HIPK2: variants seen among roughly 807,000 people sequenced by gnomAD.
HIPK2 encodes the protein homeodomain-interacting protein kinase 2.
In HIPK2, 27 loss-of-function variants were observed where a neutral mutation model predicts 113.7. That is an observed-to-expected ratio of 0.24 (90% CI 0.17 to 0.33). The LOEUF (loss-of-function observed/expected upper bound fraction) is 0.33. HIPK2 is among the 10% of genes least tolerant of loss of function. The pLI, the probability that HIPK2 is intolerant of heterozygous loss-of-function variation, is 1.00. For synonymous variants in HIPK2, 631 were observed against 642.2 expected (o/e 0.98, Z 0.26); for missense variants, 1,257 against 1,588.0 (o/e 0.79, Z 3.54).
chr7:139,599,816 T>A (rs1799355501), intron 11 of HIPK2, among the ~76,000 whole-genome samples: 1 of 152,222 alleles, frequency 6.6e-6, no homozygotes, highest in South Asian at 2.1e-4. Flanking sequence ...AAAGATAATT[T>A]GCTTCACCAA....
At chr7:139,663,602 A>C (rs780109682) in intron 2 of HIPK2, among the ~76,000 whole-genome samples, 1 of 152,254 alleles carries the variant, frequency 6.6e-6, no homozygotes, top group Admixed American at 6.5e-5. Flanking sequence ...CAGGCAGGGC[A>C]GACCTGAAAC....
chr7:139,698,226 G>A lies in HIPK2; in HGVS notation c.1103+17706C>T, dbSNP rs999805664. Among the ~76,000 whole-genome samples the A allele has an allele frequency of 2.6e-5, 4 of 152,186 alleles. 1 individual carries two copies. ...AAAGAGTATCATACGATACGTGTAT[G>A]CCTTCTTTCACTTAGCATGATGTTT... On this transcript the variant is annotated intron_variant, in intron 2 of 14. Transcript: ENST00000406875.
intron 2 of HIPK2, among the ~76,000 whole-genome samples, chr7:139,668,695 C>T (rs1253731418): frequency 1.3e-5 from 2 of 152,034 alleles, no homozygotes; most frequent in South Asian, 2.1e-4. Context: ...GGAATCTATT[C>T]TGTTAGAGTT....
intron 1 of HIPK2, 70 bp from the exon 2 acceptor site, chr7:139,717,085 T>A: frequency 6.6e-6 from 10 of 1,517,790 alleles, no homozygotes; most frequent in Non-Finnish European, 8.9e-6. Context: ...ACAGATCCCC[T>A]TCAGTTCTCA....
chr7:139,724,951 A>G (rs759144869), intron 1 of HIPK2, among the ~76,000 whole-genome samples: 6 of 152,224 alleles, frequency 3.9e-5, no homozygotes, highest in Admixed American at 6.5e-5. Flanking sequence ...GCAGCCATAC[A>G]GAATTCTTTT....
intron 2 of HIPK2, among the ~76,000 whole-genome samples, chr7:139,641,480 A>G (rs1801018638): frequency 6.6e-6 from 1 of 152,196 alleles, no homozygotes; most frequent in Admixed American, 6.5e-5. Context: ...TCTCACATGA[A>G]TGCTGGGTAC....
chr7:139,703,043 G>A (rs1044889731), intron 2 of HIPK2, among the ~76,000 whole-genome samples: 1 of 152,058 alleles, frequency 6.6e-6, no homozygotes, highest in Non-Finnish European at 1.5e-5. Context: ...TCCTGTGACA[G>A]GATGAACAAA....
At chr7:139,604,406 G>T in intron 9 of HIPK2, 183 bp from the exon 10 acceptor site, 1 of 346,458 alleles carries the variant, frequency 2.9e-6, no homozygotes, top group Non-Finnish European at 4.1e-6. Flanking sequence ...TACAGGCCGG[G>T]TGCAGTGGCT....
intron 1 of HIPK2, among the ~76,000 whole-genome samples, chr7:139,717,451 GT>G (rs1252039625): frequency 6.6e-6 from 1 of 152,138 alleles, no homozygotes; most frequent in African/African-American, 2.4e-5. Flanking sequence ...AAGTTTACTG[GT>G]TTGAGAAAAC....
At chr7:139,620,865 C>T (rs1800211550) in intron 6 of HIPK2, among the ~76,000 whole-genome samples, 1 of 152,254 alleles carries the variant, frequency 6.6e-6, no homozygotes, top group South Asian at 2.1e-4. Context: ...GGTCCACCTG[C>T]AGCATCACTG....
intron 2 of HIPK2, among the ~76,000 whole-genome samples, chr7:139,655,671 CCT>C (rs1353210437): frequency 1.3e-5 from 2 of 152,162 alleles, no homozygotes; most frequent in Non-Finnish European, 1.5e-5. Flanking sequence ...TCTACACACC[CCT>C]CTTTCATTTC....
chr7:139,679,444 G>A (rs143749989), intron 2 of HIPK2, among the ~76,000 whole-genome samples: 2 of 152,074 alleles, frequency 1.3e-5, no homozygotes, highest in East Asian at 1.9e-4. Context: ...TGGGTACTTC[G>A]GGTAGACAGA....
At chr7:139,709,733 C>G (rs950512094) in intron 2 of HIPK2, among the ~76,000 whole-genome samples, 3 of 152,188 alleles carry the variant, frequency 2.0e-5, no homozygotes, top group Non-Finnish European at 4.4e-5. Flanking sequence ...TGGGGCAGGG[C>G]TAGGACTGGT....
At chr7:139,622,217 G>A (rs2116845544) in intron 6 of HIPK2, among the ~76,000 whole-genome samples, 1 of 152,224 alleles carries the variant, frequency 6.6e-6, no homozygotes, top group South Asian at 2.1e-4. Flanking sequence ...CTAAGATTCT[G>A]ACCACTTACA....
chr7:139,736,968 G>A (rs1034621141), intron 1 of HIPK2, among the ~76,000 whole-genome samples: 4 of 152,194 alleles, frequency 2.6e-5, no homozygotes, highest in African/African-American at 4.8e-5. Context: ...GGTGGTCAAG[G>A]GGTAGAAACT....
At chr7:139,673,814 G>A (rs1237919925) in intron 2 of HIPK2, among the ~76,000 whole-genome samples, 2 of 147,228 alleles carry the variant, frequency 1.4e-5, no homozygotes, top group East Asian at 2.1e-4. Flanking sequence ...TTGGGAGGGT[G>A]AGCCAGGTGG....
intron 1 of HIPK2, among the ~76,000 whole-genome samples, chr7:139,770,458 G>C (rs1796630254): frequency 6.6e-6 from 1 of 152,182 alleles, no homozygotes; most frequent in African/African-American, 2.4e-5. Flanking sequence ...GATTTTACTT[G>C]GGAATAACGA....
intron 2 of HIPK2, among the ~76,000 whole-genome samples, chr7:139,695,256 T>C (rs1794528914): frequency 6.6e-6 from 1 of 152,200 alleles, no homozygotes. Context: ...TGCGGGCCGA[T>C]TCCCAGGGAG....
chr7:139,677,257 G>T (rs1313297184), intron 2 of HIPK2, among the ~76,000 whole-genome samples: 4 of 39,298 alleles, frequency 1.0e-4, no homozygotes, highest in Non-Finnish European at 2.0e-4. Flanking sequence ...ATATATATAT[G>T]GAGACACACA....
Sources: allele counts gnomAD v4.1 joint callset (sites outside exome capture counted in the v4.1 genomes callset), GRCh38; gene constraint gnomAD v4.1.1; transcripts MANE v1.5; gene names NCBI Gene and HGNC (gene_info 2026-07-23, HGNC 2026-07-21).